NBAS: variants seen among roughly 807,000 people sequenced by gnomAD.
NBAS encodes the protein NAG/BC035112 fusion.
A neutral mutation model predicts 302.5 loss-of-function variants in NBAS; 219 were observed. That is an observed-to-expected ratio of 0.72 (90% CI 0.65 to 0.81). NBAS has a LOEUF of 0.81. Ranked by LOEUF, NBAS falls within the 30% of genes least tolerant of loss-of-function variation. The pLI, the probability that NBAS is intolerant of heterozygous loss-of-function variation, is 0.00. For missense variants in NBAS, 2,932 were observed against 2,841.6 expected, an observed-to-expected ratio of 1.03 and a Z score of -0.72; for synonymous variants, 1,118 against 1,021.6, an observed-to-expected ratio of 1.09 and a Z score of -1.80.
At chr2:14,935,259 C>G in the NBAS span, among the ~76,000 whole-genome samples, 3 of 152,192 alleles carry the variant, frequency 2.0e-5, no homozygotes, top group East Asian at 5.8e-4. Context: ...TCTCTGTGAT[C>G]GGTTTTTAGT....
chr2:14,934,661 C>A, the NBAS span, among the ~76,000 whole-genome samples: 1 of 152,136 alleles, frequency 6.6e-6, no homozygotes. Flanking sequence ...ATGTCAACTT[C>A]TTTTGTGAAT....
chr2:15,016,823 A>C, the NBAS span, among the ~76,000 whole-genome samples: 1 of 152,172 alleles, frequency 6.6e-6, no homozygotes. Context: ...CAATCCGTGT[A>C]TATACAGCCA....
At chr2:14,919,549 C>T in the NBAS span, among the ~76,000 whole-genome samples, 1 of 152,170 alleles carries the variant, frequency 6.6e-6, no homozygotes, top group Non-Finnish European at 1.5e-5. Context: ...TGCAGCATGG[C>T]ATGTTGTTTG....
chr2:15,026,971 T>C, the NBAS span, among the ~76,000 whole-genome samples: 1 of 152,172 alleles, frequency 6.6e-6, no homozygotes, highest in Non-Finnish European at 1.5e-5. Flanking sequence ...ATTTTTCCAT[T>C]CATAAACTAA....
chr2:15,212,841 C>T (rs1329955291), intron 48 of NBAS, among the ~76,000 whole-genome samples: 1 of 141,800 alleles, frequency 7.1e-6, no homozygotes, highest in Non-Finnish European at 1.5e-5. Flanking sequence ...TTTCCTGAGG[C>T]CTCCCCAGCC....
At chr2:14,855,925 T>C in the NBAS span, among the ~76,000 whole-genome samples, 1 of 152,124 alleles carries the variant, frequency 6.6e-6, no homozygotes, top group Non-Finnish European at 1.5e-5. Context: ...TGAACACACA[T>C]AGGCAGTAGC....
intron 21 of NBAS, among the ~76,000 whole-genome samples, chr2:15,430,434 T>C (rs765791276): frequency 6.6e-6 from 1 of 152,214 alleles, no homozygotes; most frequent in Non-Finnish European, 1.5e-5. Context: ...GTATCAGCAA[T>C]GATCAGTGAC....
At chr2:14,968,295 A>T in the NBAS span, among the ~76,000 whole-genome samples, 1 of 152,238 alleles carries the variant, frequency 6.6e-6, no homozygotes, top group Non-Finnish European at 1.5e-5. Flanking sequence ...CCAATTTAAA[A>T]GTTGGCAAAG....
the NBAS span, among the ~76,000 whole-genome samples, chr2:15,054,050 A>T: frequency 1.3e-5 from 2 of 151,824 alleles, no homozygotes; most frequent in African/African-American, 4.8e-5. Flanking sequence ...TTTGTCATGG[A>T]GGTCAACAAT....
chr2:15,535,230 T>C (rs1195076814), intron 8 of NBAS, among the ~76,000 whole-genome samples: 1 of 152,154 alleles, frequency 6.6e-6, no homozygotes, highest in Non-Finnish European at 1.5e-5. Context: ...TGATATAAAA[T>C]GGCATAGTAG....
intron 24 of NBAS, 62 bp downstream of exon 24, chr2:15,417,465 T>C: frequency 7.3e-7 from 1 of 1,373,986 alleles, no homozygotes; most frequent in Admixed American, 1.8e-5. Context: ...GAGACACATA[T>C]GTATCAAAGT....
intron 9 of NBAS, among the ~76,000 whole-genome samples, chr2:15,528,878 A>T (rs868648533): frequency 0.017 from 2,056 of 121,492 alleles, 35 homozygotes; most frequent in Non-Finnish European, 0.019. Context: ...AAAAAAAAAA[A>T]ATATATATAT....
At chr2:15,159,658 G>GT in the NBAS span, among the ~76,000 whole-genome samples, 1 of 152,098 alleles carries the variant, frequency 6.6e-6, no homozygotes, top group African/African-American at 2.4e-5. Context: ...TAGAATTTCA[G>GT]TTTTGCAAGA....
intron 11 of NBAS, among the ~76,000 whole-genome samples, chr2:15,494,122 C>G (rs1680976523): frequency 6.6e-6 from 1 of 152,196 alleles, no homozygotes; most frequent in Non-Finnish European, 1.5e-5. Flanking sequence ...CCCCACCCAG[C>G]CACAATTTTC....
chr2:15,095,778 C>T, the NBAS span, among the ~76,000 whole-genome samples: 7 of 152,212 alleles, frequency 4.6e-5, no homozygotes, highest in Non-Finnish European at 1.5e-5. Context: ...TCCCCAGGCC[C>T]TGACATGGGA....
intron 44 of NBAS, among the ~76,000 whole-genome samples, chr2:15,266,596 A>C (rs1408217387): frequency 6.6e-6 from 1 of 152,220 alleles, no homozygotes; most frequent in Non-Finnish European, 1.5e-5. Context: ...ATATTTATTA[A>C]AGGAAAATAT....
intron 6 of NBAS, among the ~76,000 whole-genome samples, chr2:15,540,984 A>G (rs1302109654): frequency 6.6e-6 from 1 of 152,040 alleles, no homozygotes; most frequent in African/African-American, 2.4e-5. Context: ...TCAGCCTCCC[A>G]AAGTGCTGGA....
At chr2:14,964,625 T>G in the NBAS span, among the ~76,000 whole-genome samples, 2 of 152,190 alleles carry the variant, frequency 1.3e-5, no homozygotes, top group African/African-American at 2.4e-5. Flanking sequence ...CTGTTAATAA[T>G]GGATAAAACA....
At chr2:15,347,394 C>A (rs1445089774) in intron 35 of NBAS, among the ~76,000 whole-genome samples, 1 of 152,166 alleles carries the variant, frequency 6.6e-6, no homozygotes, top group Non-Finnish European at 1.5e-5. Context: ...ATGGAAACAA[C>A]CCAAATGTCC....
Sources: gnomAD v4.1 joint callset for allele counts (sites outside exome capture counted in the v4.1 genomes callset) on GRCh38, gnomAD v4.1.1 for gene constraint, MANE v1.5 for transcripts, NCBI Gene and HGNC (gene_info 2026-07-23, HGNC 2026-07-21) for gene names.